The following E2F3 variants were observed in gnomAD, a reference collection of about 807,000 sequenced individuals.
E2F3 encodes transcription factor E2F3.
E2F3 carries 11 observed loss-of-function variants against 44.4 expected under a neutral mutation model. That is an observed-to-expected ratio of 0.25 (90% CI 0.16 to 0.41). The LOEUF (loss-of-function observed/expected upper bound fraction) is 0.41, where lower values mean the gene tolerates loss of function less well. Ranked by LOEUF, E2F3 falls within the 10% of genes least tolerant of loss-of-function variation. E2F3 has a pLI of 1.00. For missense variants in E2F3, 487 were observed against 583.6 expected, an observed-to-expected ratio of 0.83 and a Z score of 1.70; for synonymous variants, 249 against 253.0, an observed-to-expected ratio of 0.98 and a Z score of 0.15.
intron 1 of E2F3, among the ~76,000 whole-genome samples, chr6:20,447,237 G>C (rs917561373): frequency 6.6e-6 from 1 of 152,104 alleles, no homozygotes; most frequent in Admixed American, 6.5e-5. Context: ...ACAGATGTTG[G>C]GGGGAAGGGC....
In E2F3 at chr6:20,409,891, C is replaced by A. The variant is rs531315562; in HGVS notation, c.393+7266C>A. ...ACCAGAAAGGTGCCCAGTGTAGATA[C>A]GGTCTAACAGCCAGTGAGCATTAAG... On this transcript the variant is annotated intron_variant, in intron 1 of 6. Transcript: ENST00000346618. Among the ~76,000 whole-genome samples the A allele has an allele frequency of 1.2e-4, 17 of 147,542 alleles. No homozygotes were observed. The South Asian group carries it at 3.5e-3, about 30-fold the overall frequency.
chr6:20,411,850 G>A (rs964710308), intron 1 of E2F3, among the ~76,000 whole-genome samples: 1 of 152,138 alleles, frequency 6.6e-6, no homozygotes, highest in African/African-American at 2.4e-5. Context: ...GCCTAATCTT[G>A]CATGTTCATG....
rs1761617161 is a variant in E2F3, at chr6:20,463,996, G to C, written c.394-15850G>C. On this transcript the variant is annotated intron_variant, in intron 1 of 6. Coordinates refer to ENST00000346618, the MANE Select transcript of E2F3 (RefSeq NM_001949.5). Reference sequence around the variant, plus strand: ...GAACTCAGGGAAACAGCATTTACTGGTTTATTATAAAGGATATTACAAAGG... The same window carrying C: ...GAACTCAGGGAAACAGCATTTACTGCTTTATTATAAAGGATATTACAAAGG... Among the ~76,000 whole-genome samples, 5 of 152,280 alleles carry C rather than the reference G, an allele frequency of 3.3e-5. No homozygotes were observed. The South Asian group carries it at 1.0e-3, about 32-fold the overall frequency.
chr6:20,482,342 G>GTTTTTTTTTTT (rs71734781), intron 3 of E2F3, among the ~76,000 whole-genome samples: 1 of 130,152 alleles, frequency 7.7e-6, no homozygotes, highest in Non-Finnish European at 1.6e-5. Context: ...TTGTTTTTTT[G>GTTTTTTTTTTT]TTTTTTTTTT....
rs184829927 is a variant in E2F3, at chr6:20,446,157, G to A, written c.394-33689G>A. On this transcript the variant is annotated intron_variant, in intron 1 of 6. Transcript: ENST00000346618. The stretch of plus-strand genomic sequence containing the variant: ...AATCCTTTTTTTTTTCCTCATTAAT[G>A]TTATAACAAAATGACATTGAATGAA... Among the ~76,000 whole-genome samples the A allele has an allele frequency of 7.2e-4, 110 of 152,046 alleles. 1 individual carries two copies. The Middle Eastern group carries it at 0.01, about 14-fold the overall frequency.
In E2F3 at chr6:20,486,697, A is replaced by C. The variant is rs183255612; in HGVS notation, c.893A>C (p.Tyr298Ser). The change falls in exon 5 of 7, where the codon TAT becomes TCT. Residue 298 changes from tyrosine to serine, a missense_variant. Transcript: ENST00000346618. ...TEDSENQRLAYVTYQDIRKIS... is the reference protein window; with the variant it reads ...TEDSENQRLASVTYQDIRKIS... ...TCCTTGACACTCTTTACGTTAGCTT[A>C]TGTTACATATCAAGATATTCGAAAA... 6.3e-7 allele frequency: 1 copy of C among 1,577,988 alleles called. No homozygotes were observed. Among genetic ancestry groups the C allele is most frequent in the East Asian group, 2.2e-5 (1 of 44,706 alleles).
At chr6:20,466,035 T>C (rs867479079) in intron 1 of E2F3, among the ~76,000 whole-genome samples, 7 of 149,998 alleles carry the variant, frequency 4.7e-5, no homozygotes, top group Admixed American at 6.7e-5. Context: ...CTGTTTTCCA[T>C]AGGGGTTGTG....
chr6:20,445,861 A>C (rs147665140), intron 1 of E2F3, among the ~76,000 whole-genome samples: 26 of 152,382 alleles, frequency 1.7e-4, no homozygotes, highest in Non-Finnish European at 3.5e-4. Context: ...ATGATTATTT[A>C]ATCAGTTATT....
intron 1 of E2F3, among the ~76,000 whole-genome samples, chr6:20,472,688 T>G: frequency 6.6e-6 from 1 of 152,044 alleles, no homozygotes; most frequent in East Asian, 1.9e-4. Context: ...AAATAAGAAT[T>G]CTAGTATCTG....
At chr6:20,474,263 G>C (rs993873125) in intron 1 of E2F3, among the ~76,000 whole-genome samples, 1 of 152,152 alleles carries the variant, frequency 6.6e-6, no homozygotes, top group Non-Finnish European at 1.5e-5. Flanking sequence ...TTCCTACATA[G>C]ATTTTCAGAA....
chr6:20,405,085 C>A (rs2127582846), intron 1 of E2F3, among the ~76,000 whole-genome samples: 1 of 152,280 alleles, frequency 6.6e-6, no homozygotes, highest in South Asian at 2.1e-4. Context: ...CTAAGACTAT[C>A]TTTCAAGCCA....
intron 1 of E2F3, among the ~76,000 whole-genome samples, chr6:20,437,238 GTGA>G (rs1760617489): frequency 6.6e-6 from 1 of 152,216 alleles, no homozygotes; most frequent in Non-Finnish European, 1.5e-5. Flanking sequence ...CCAACTACAG[GTGA>G]TGATTGGTAA....
chr6:20,419,756 G>A (rs1396192350), intron 1 of E2F3, among the ~76,000 whole-genome samples: 1 of 152,084 alleles, frequency 6.6e-6, no homozygotes, highest in Non-Finnish European at 1.5e-5. Flanking sequence ...AGTAGAGTTG[G>A]GGTTTCACCG....
At chr6:20,454,525 A>G (rs1761245253) in intron 1 of E2F3, among the ~76,000 whole-genome samples, 1 of 152,156 alleles carries the variant, frequency 6.6e-6, no homozygotes. Context: ...TCACAAAGAT[A>G]CCTCACTAGG....
chr6:20,470,465 C>T, intron 1 of E2F3, among the ~76,000 whole-genome samples: 1 of 152,224 alleles, frequency 6.6e-6, no homozygotes, highest in East Asian at 1.9e-4. Context: ...TTAAAATCCT[C>T]ATGCCCTGAC....
intron 1 of E2F3, among the ~76,000 whole-genome samples, chr6:20,465,143 G>A (rs755197505): frequency 9.2e-5 from 14 of 152,286 alleles, no homozygotes; most frequent in East Asian, 1.9e-4. Context: ...CCTCCCAGAC[G>A]ATTTTCCCAC....
At chr6:20,431,711 C>T (rs1253421617) in intron 1 of E2F3, among the ~76,000 whole-genome samples, 2 of 152,144 alleles carry the variant, frequency 1.3e-5, no homozygotes, top group East Asian at 1.9e-4. Flanking sequence ...TCTCCCTCCT[C>T]CTAGGATCAC....
At chr6:20,419,369 A>G (rs546638977) in intron 1 of E2F3, among the ~76,000 whole-genome samples, 1 of 152,290 alleles carries the variant, frequency 6.6e-6, no homozygotes, top group South Asian at 2.1e-4. Flanking sequence ...GTATATTAAA[A>G]TGCTGATAGA....
At chr6:20,458,145 T>G (rs1157257459) in intron 1 of E2F3, among the ~76,000 whole-genome samples, 1 of 152,178 alleles carries the variant, frequency 6.6e-6, no homozygotes. Context: ...TAAGACCTTG[T>G]TCTGAACTTA....
Sources: allele counts gnomAD v4.1 joint callset (sites outside exome capture counted in the v4.1 genomes callset), GRCh38; gene constraint gnomAD v4.1.1; transcripts MANE v1.5; gene names NCBI Gene and HGNC (gene_info 2026-07-23, HGNC 2026-07-21).